Variants in C12orf42 observed in about 807,000 individuals in gnomAD.
C12orf42 encodes the protein uncharacterized protein C12orf42.
Under a neutral mutation model 21.6 loss-of-function variants are expected in C12orf42, and 25 were observed. The ratio of observed to expected loss-of-function variants is 1.16; its 90% confidence interval spans 0.84 to 1.62. C12orf42 has a LOEUF of 1.62. C12orf42 is among the 40% of genes most tolerant of loss of function. C12orf42 has a pLI of 0.00. For missense variants in C12orf42, 483 were observed against 459.3 expected, an observed-to-expected ratio of 1.05 and a Z score of -0.47; for synonymous variants, 174 against 175.0, an observed-to-expected ratio of 0.99 and a Z score of 0.05.
At chr12:103,442,718 G>A (rs548585243) in intron 2 of C12orf42, among the ~76,000 whole-genome samples, 12 of 152,094 alleles carry the variant, frequency 7.9e-5, no homozygotes, top group Admixed American at 2.0e-4. Context: ...TACATTAAGC[G>A]CTTTCTATGT....
chr12:103,068,487 G>A, the C12orf42 span, among the ~76,000 whole-genome samples: 2 of 152,020 alleles, frequency 1.3e-5, no homozygotes, highest in African/African-American at 4.8e-5. Flanking sequence ...GACTTGTGAT[G>A]GTTAATACTG....
upstream of C12orf42, among the ~76,000 whole-genome samples, chr12:103,497,638 T>C (rs1322543610): frequency 1.3e-5 from 2 of 152,170 alleles, no homozygotes. Context: ...CTTCATCAAT[T>C]TCAGCAAATA....
At chr12:103,483,045 A>T (rs1309900205) in intron 1 of C12orf42, among the ~76,000 whole-genome samples, 8 of 152,222 alleles carry the variant, frequency 5.3e-5, no homozygotes, top group African/African-American at 1.7e-4. Flanking sequence ...TTCATATAAT[A>T]TCAAAAATCT....
the C12orf42 span, among the ~76,000 whole-genome samples, chr12:103,153,425 A>G: frequency 1.5e-3 from 228 of 152,312 alleles, no homozygotes; most frequent in Non-Finnish European, 1.7e-3. Context: ...TTTAATAAAT[A>G]TATTCAACAA....
chr12:103,189,381 G>T, the C12orf42 span, among the ~76,000 whole-genome samples: 2 of 152,188 alleles, frequency 1.3e-5, no homozygotes, highest in African/African-American at 2.4e-5. Context: ...GATGTCAGCA[G>T]GATAGAGATT....
intron 4 of C12orf42, among the ~76,000 whole-genome samples, chr12:103,365,135 T>C (rs1214307071): frequency 6.6e-6 from 1 of 152,084 alleles, no homozygotes; most frequent in Non-Finnish European, 1.5e-5. Flanking sequence ...CATGATCAAA[T>C]GTGTTTCATA....
the C12orf42 span, among the ~76,000 whole-genome samples, chr12:103,200,171 A>G: frequency 6.6e-6 from 1 of 152,220 alleles, no homozygotes; most frequent in Non-Finnish European, 1.5e-5. Context: ...AACCCTGCTT[A>G]TTTGAAACAA....
intron 4 of C12orf42, among the ~76,000 whole-genome samples, chr12:103,343,500 C>T (rs1055572513): frequency 1.7e-4 from 26 of 152,160 alleles, no homozygotes; most frequent in African/African-American, 5.5e-4. Flanking sequence ...TTTCTGAGGC[C>T]GGGCATGGTG....
intron 2 of C12orf42, among the ~76,000 whole-genome samples, chr12:103,449,247 C>T (rs1290394892): frequency 1.3e-5 from 2 of 151,954 alleles, no homozygotes; most frequent in African/African-American, 4.8e-5. Context: ...AATGGAAAAA[C>T]CAAACATTGT....
At chr12:103,506,465 ATATCT>A in the C12orf42 span, among the ~76,000 whole-genome samples, 2 of 151,890 alleles carry the variant, frequency 1.3e-5, no homozygotes, top group East Asian at 1.9e-4. Flanking sequence ...TAAGATTATA[ATATCT>A]TATCATAATT....
In C12orf42 at chr12:103,369,708, C is replaced by A. The variant is rs142664512; in HGVS notation, c.148-710G>T. On this transcript the variant is annotated intron_variant, in intron 3 of 5. Coordinates refer to ENST00000548883, the MANE Select transcript of C12orf42 (RefSeq NM_198521.5). ...TTGGATAAACAATATGAAATAAGGT[C>A]AAAAGTAAGGATCCAATTTGATTTA... 1.4e-4 allele frequency among the ~76,000 whole-genome samples: 21 copies of A among 152,018 alleles called. No individual in the cohort carries two copies. The East Asian group carries it at 4.1e-3, about 29-fold the overall frequency.
At chr12:103,226,795 C>G in the C12orf42 span, among the ~76,000 whole-genome samples, 1 of 151,976 alleles carries the variant, frequency 6.6e-6, no homozygotes, top group African/African-American at 2.4e-5. Context: ...AAAGACTCAA[C>G]GACGCTTGTG....
At chr12:103,527,177 C>T in the C12orf42 span, among the ~76,000 whole-genome samples, 1 of 151,748 alleles carries the variant, frequency 6.6e-6, no homozygotes, top group South Asian at 2.1e-4. Context: ...ATTTCCTTAC[C>T]AAAAAAATTT....
the C12orf42 span, among the ~76,000 whole-genome samples, chr12:103,100,370 C>A: frequency 6.6e-6 from 1 of 152,174 alleles, no homozygotes; most frequent in Non-Finnish European, 1.5e-5. Context: ...GGCAGGATGG[C>A]GGGCTCCTGC....
At chr12:103,450,452 A>G (rs1951866082) in intron 2 of C12orf42, among the ~76,000 whole-genome samples, 1 of 152,086 alleles carries the variant, frequency 6.6e-6, no homozygotes, top group African/African-American at 2.4e-5. Flanking sequence ...AAATTGTTCT[A>G]TAACTTTTCT....
chr12:103,389,108 C>G (rs1357143762), intron 3 of C12orf42, among the ~76,000 whole-genome samples: 1 of 152,174 alleles, frequency 6.6e-6, no homozygotes, highest in Non-Finnish European at 1.5e-5. Context: ...ATCCCTCTTA[C>G]CAGAGCAGGA....
chr12:103,408,475 AG>A (rs527360066), intron 2 of C12orf42, among the ~76,000 whole-genome samples: 78 of 152,352 alleles, frequency 5.1e-4, no homozygotes, highest in African/African-American at 1.8e-3. Context: ...CTTCTCTTCA[AG>A]GAAAACAAAA....
chr12:103,421,736 C>T (rs544842948), intron 2 of C12orf42, among the ~76,000 whole-genome samples: 4 of 152,082 alleles, frequency 2.6e-5, no homozygotes, highest in Non-Finnish European at 4.4e-5. Context: ...TGAAACATAC[C>T]GTTGGGCTAT....
chr12:103,067,492 C>T, the C12orf42 span, among the ~76,000 whole-genome samples: 1 of 152,168 alleles, frequency 6.6e-6, no homozygotes. Flanking sequence ...CAGAGTTCTC[C>T]AGAAGGCTGT....
Sources: gnomAD v4.1 joint callset for allele counts (sites outside exome capture counted in the v4.1 genomes callset) on GRCh38, gnomAD v4.1.1 for gene constraint, MANE v1.5 for transcripts, NCBI Gene and HGNC (gene_info 2026-07-23, HGNC 2026-07-21) for gene names.